The following DAP variants were observed in gnomAD, a reference collection of about 807,000 sequenced individuals.
The protein encoded by DAP is death associated protein, also known as death-associated protein 1.
In DAP, 8 loss-of-function variants were observed where a neutral mutation model predicts 13.8. That is an observed-to-expected ratio of 0.58 (90% CI 0.34 to 1.05). DAP has a LOEUF of 1.05. Ranked by LOEUF, DAP falls within the 50% of genes least tolerant of loss-of-function variation. The pLI, the probability that DAP is intolerant of heterozygous loss-of-function variation, is 0.03. For missense variants in DAP, 106 were observed against 133.2 expected (o/e 0.80, Z 1.01); for synonymous variants, 47 against 47.5 (o/e 0.99, Z 0.04).
chr5:10,704,788 C>CGCAGTG (rs923433379), intron 2 of DAP, among the ~76,000 whole-genome samples: 21 of 152,150 alleles, frequency 1.4e-4, no homozygotes, highest in African/African-American at 5.1e-4. Context: ...GTCTTTCCTG[C>CGCAGTG]GCAGTGTACA....
At chr5:10,728,738 C>T (rs1434462719) in intron 2 of DAP, among the ~76,000 whole-genome samples, 1 of 152,152 alleles carries the variant, frequency 6.6e-6, no homozygotes, top group African/African-American at 2.4e-5. Flanking sequence ...GGACAGGGGG[C>T]TGAGGGGCTA....
At chr5:10,760,637 T>C (rs1221696272) in intron 1 of DAP, among the ~76,000 whole-genome samples, 2 of 152,228 alleles carry the variant, frequency 1.3e-5, no homozygotes, top group Non-Finnish European at 2.9e-5. Context: ...TGACTTTTCA[T>C]TGCTTCTGCT....
intron 2 of DAP, among the ~76,000 whole-genome samples, chr5:10,743,222 G>A (rs1739805420): frequency 6.6e-6 from 1 of 152,288 alleles, no homozygotes; most frequent in South Asian, 2.1e-4. Flanking sequence ...ACTTAAAAAT[G>A]TTGTTTTCCA....
At position 10,730,395 on chromosome 5, in the gene DAP, G is replaced by C. The variant is rs536305023; in HGVS notation, c.152+17780C>G. On this transcript the variant is annotated intron_variant, in intron 2 of 3. Coordinates refer to ENST00000230895, the MANE Select transcript of DAP (RefSeq NM_004394.3). ...TCCTATACAAATCTACTACAAGAGT[G>C]GGGGACTGAGAGCCCCGGTGGGGGG... 3.3e-5 allele frequency among the ~76,000 whole-genome samples: 5 copies of C among 152,344 alleles called. No homozygotes were observed. The East Asian group carries it at 5.8e-4, about 18-fold the overall frequency.
intron 1 of DAP, among the ~76,000 whole-genome samples, chr5:10,750,346 G>T (rs958629996): frequency 1.6e-4 from 24 of 152,102 alleles, no homozygotes; most frequent in African/African-American, 5.6e-4. Flanking sequence ...CGACTGGAGG[G>T]AGATGGTGAC....
chr5:10,697,920 A>C (rs1463278719), intron 2 of DAP, among the ~76,000 whole-genome samples: 1 of 152,164 alleles, frequency 6.6e-6, no homozygotes, highest in Non-Finnish European at 1.5e-5. Flanking sequence ...CTTTCCAGCC[A>C]GGTGTCTGGC....
At chr5:10,708,642 T>C (rs1019766244) in intron 2 of DAP, among the ~76,000 whole-genome samples, 1 of 152,352 alleles carries the variant, frequency 6.6e-6, no homozygotes, top group Admixed American at 6.5e-5. Context: ...TGAAACCATG[T>C]TATTAATGAT....
At chr5:10,729,804 G>A (rs983546965) in intron 2 of DAP, among the ~76,000 whole-genome samples, 2 of 151,990 alleles carry the variant, frequency 1.3e-5, no homozygotes, top group African/African-American at 4.8e-5. Flanking sequence ...TCCTTACGGC[G>A]ACCCCAAGTT....
chr5:10,720,151 AC>A (rs1739101006), intron 2 of DAP, among the ~76,000 whole-genome samples: 1 of 152,202 alleles, frequency 6.6e-6, no homozygotes, highest in African/African-American at 2.4e-5. Flanking sequence ...TTGACTTTAT[AC>A]ATAATACCTT....
intron 2 of DAP, among the ~76,000 whole-genome samples, chr5:10,721,999 C>T (rs1739155584): frequency 6.6e-6 from 1 of 152,080 alleles, no homozygotes; most frequent in Non-Finnish European, 1.5e-5. Context: ...TCTGGTAGTA[C>T]AAAGGATAGT....
intron 1 of DAP, among the ~76,000 whole-genome samples, chr5:10,758,911 C>T (rs1456571300): frequency 2.0e-5 from 3 of 152,146 alleles, no homozygotes; most frequent in Admixed American, 6.6e-5. Flanking sequence ...ACAGTTTATA[C>T]CTCTGACCTT....
chr5:10,712,316 AG>A (rs2126652679), intron 2 of DAP, among the ~76,000 whole-genome samples: 1 of 149,900 alleles, frequency 6.7e-6, no homozygotes, highest in African/African-American at 2.5e-5. Flanking sequence ...CACTTTGTTA[AG>A]GCAACCCTAG....
intron 2 of DAP, among the ~76,000 whole-genome samples, chr5:10,722,461 T>C (rs879730765): frequency 2.0e-5 from 3 of 151,986 alleles, no homozygotes; most frequent in Non-Finnish European, 4.4e-5. Flanking sequence ...TGTAATTGTG[T>C]AAGTTAATAC....
chr5:10,731,410 T>C (rs1242847159), intron 2 of DAP, among the ~76,000 whole-genome samples: 1 of 152,236 alleles, frequency 6.6e-6, no homozygotes, highest in Non-Finnish European at 1.5e-5. Flanking sequence ...TCTGATCTCT[T>C]GCTACCAGCT....
intron 2 of DAP, 95 bp downstream of exon 2, chr5:10,748,080 G>A: frequency 1.1e-6 from 1 of 886,824 alleles, no homozygotes; most frequent in Non-Finnish European, 1.9e-6. Flanking sequence ...CATAGCCCAG[G>A]AGTTATCAGA....
rs1738569610 is a variant in DAP at position 10,701,290 on chromosome 5, A to G, written c.153-17719T>C. On this transcript the variant is annotated intron_variant, in intron 2 of 3. Coordinates refer to ENST00000230895, the MANE Select transcript of DAP (RefSeq NM_004394.3). Reference sequence around the variant, plus strand: ...GATGGAACAGGAGCACTAACTCACAACACCGATTTAAAAGAAGTCAGCTGT... The same window carrying G: ...GATGGAACAGGAGCACTAACTCACAGCACCGATTTAAAAGAAGTCAGCTGT... Among the ~76,000 whole-genome samples, 3 of 152,234 alleles carry G rather than the reference A, an allele frequency of 2.0e-5. No individual in the cohort carries two copies. In the South Asian group the frequency reaches 6.2e-4, roughly 31 times the overall value.
At chr5:10,712,391 G>T (rs1217917981) in intron 2 of DAP, among the ~76,000 whole-genome samples, 4 of 152,192 alleles carry the variant, frequency 2.6e-5, no homozygotes, top group African/African-American at 9.7e-5. Context: ...AGCTCCTGTG[G>T]GCTGGGGTCA....
At chr5:10,689,316 G>C (rs1373976468) in intron 2 of DAP, among the ~76,000 whole-genome samples, 2 of 152,068 alleles carry the variant, frequency 1.3e-5, no homozygotes, top group Admixed American at 1.3e-4. Context: ...CGCAACTGCT[G>C]AATGGCCATG....
intron 1 of DAP, among the ~76,000 whole-genome samples, chr5:10,759,269 T>TA (rs1740279034): frequency 6.6e-6 from 1 of 152,202 alleles, no homozygotes; most frequent in Non-Finnish European, 1.5e-5. Flanking sequence ...TTCCAACAGA[T>TA]ACGCTTTAAT....
Sources: allele counts gnomAD v4.1 joint callset (sites outside exome capture counted in the v4.1 genomes callset), GRCh38; gene constraint gnomAD v4.1.1; transcripts MANE v1.5; gene names NCBI Gene and HGNC (gene_info 2026-07-23, HGNC 2026-07-21).